Variants in TTC7A observed in about 807,000 individuals in gnomAD.
The protein encoded by TTC7A is tetratricopeptide repeat protein 7A.
TTC7A carries 110 observed loss-of-function variants against 103.7 expected under a neutral mutation model. That is an observed-to-expected ratio of 1.06 (90% confidence interval 0.91 to 1.24). The LOEUF is 1.24. Among genes scored for constraint, TTC7A ranks in the 50% most tolerant of loss-of-function variants. TTC7A has a pLI of 0.00. For missense variants in TTC7A, 1,340 were observed against 1,116.3 expected (o/e 1.20, Z -2.86); for synonymous variants, 521 against 467.9 (o/e 1.11, Z -1.47).
At chr2:46,955,403 A>G (rs1345730253) in intron 2 of TTC7A, among the ~76,000 whole-genome samples, 1 of 152,012 alleles carries the variant, frequency 6.6e-6, no homozygotes, top group Non-Finnish European at 1.5e-5. Context: ...AGCTTTGGAG[A>G]GTTAATTAAT....
intron 18 of TTC7A, among the ~76,000 whole-genome samples, chr2:47,060,422 A>G (rs1683673761): frequency 6.6e-6 from 1 of 152,176 alleles, no homozygotes; most frequent in Non-Finnish European, 1.5e-5. Flanking sequence ...AGCCATGGTC[A>G]TACCAGTGCA....
At chr2:47,058,025 A>G (rs1683457254) in intron 18 of TTC7A, among the ~76,000 whole-genome samples, 1 of 152,296 alleles carries the variant, frequency 6.6e-6, no homozygotes, top group East Asian at 1.9e-4. Context: ...GCACTCAGTT[A>G]TGAGGGCAGC....
intron 2 of TTC7A, among the ~76,000 whole-genome samples, chr2:46,931,825 G>T (rs535694513): frequency 6.6e-6 from 1 of 152,250 alleles, no homozygotes; most frequent in East Asian, 1.9e-4. Flanking sequence ...TTGGACTTCT[G>T]ACCTCAGGAA....
At chr2:47,050,306 G>T in intron 17 of TTC7A, 1 of 515,288 alleles carries the variant, frequency 1.9e-6, no homozygotes, top group South Asian at 2.3e-5. Flanking sequence ...GGCTGAAAAG[G>T]TGGCTGTGGA....
chr2:46,993,976 A>T (rs1675893511), intron 6 of TTC7A, among the ~76,000 whole-genome samples: 1 of 152,210 alleles, frequency 6.6e-6, no homozygotes, highest in African/African-American at 2.4e-5. Flanking sequence ...CGAATATCAG[A>T]AAGGCACCTG....
intron 3 of TTC7A, among the ~76,000 whole-genome samples, chr2:46,970,218 A>G (rs1673236403): frequency 6.6e-6 from 1 of 152,096 alleles, no homozygotes; most frequent in Admixed American, 6.5e-5. Context: ...CAAACTCCTA[A>G]GGTCAAGCAG....
At chr2:47,049,900 G>A in intron 16 of TTC7A, 49 bp from the exon 17 acceptor site, 2 of 1,445,674 alleles carry the variant, frequency 1.4e-6, no homozygotes, top group African/African-American at 2.8e-5. Context: ...TGGGCCCTGT[G>A]ATGCTAGCCC....
At chr2:47,025,598 G>A (rs56272463) in intron 14 of TTC7A, among the ~76,000 whole-genome samples, 28,496 of 152,160 alleles carry the variant, frequency 0.19, 2,978 homozygotes, top group African/African-American at 0.29. Context: ...GCCTGTGTCT[G>A]TCCTGACCTG....
chr2:47,056,279 G>A (rs946704613), intron 18 of TTC7A, among the ~76,000 whole-genome samples: 1 of 152,190 alleles, frequency 6.6e-6, no homozygotes, highest in Non-Finnish European at 1.5e-5. Context: ...ATTTCCTTTG[G>A]GTCACCCAAA....
chr2:47,055,439 G>A (rs1027045085), intron 18 of TTC7A, among the ~76,000 whole-genome samples: 3 of 152,116 alleles, frequency 2.0e-5, no homozygotes, highest in Non-Finnish European at 4.4e-5. Flanking sequence ...CTTGAGAGAC[G>A]GGCTGCAGGG....
chr2:46,947,172 A>T (rs143762862), intron 1 of TTC7A, among the ~76,000 whole-genome samples: 2 of 152,258 alleles, frequency 1.3e-5, no homozygotes, highest in African/African-American at 4.8e-5. Context: ...TGCAGGAGAG[A>T]CAGGGTGTTT....
At chr2:46,996,255 G>C (rs528303838) in intron 8 of TTC7A, among the ~76,000 whole-genome samples, 191 of 152,326 alleles carry the variant, frequency 1.3e-3, no homozygotes, top group African/African-American at 4.4e-3. Flanking sequence ...GCACACAGGA[G>C]TCATCTACAT....
chr2:47,011,376 C>T lies in TTC7A; in HGVS notation c.1333C>T (p.Pro445Ser). 1 of 1,612,690 alleles carries T rather than the reference C, an allele frequency of 6.2e-7. No homozygotes were observed. The highest frequency in any genetic ancestry group is 8.5e-7 in the Non-Finnish European group (1 of 1,179,966). Residue 445 changes from proline to serine, a missense_variant, in exon 11 of 20, where the codon CCC (proline) becomes TCC (serine). By Grantham distance (74) the Pro-to-Ser change is moderately conservative (BLOSUM62 -1). Coordinates refer to ENST00000319190, the MANE Select transcript of TTC7A (RefSeq NM_020458.4). ...GCTGCGGGAGTGTGTGAAGTTGCGGCCCTCGGACCCCACCGTGCCCCTGAT... is the reference window on the plus strand; with the variant it reads ...GCTGCGGGAGTGTGTGAAGTTGCGGTCCTCGGACCCCACCGTGCCCCTGAT... ...SLLRECVKLR[P>S]SDPTVPLMAA...
At chr2:47,008,916 A>G (rs1027573991) in intron 10 of TTC7A, among the ~76,000 whole-genome samples, 5 of 149,698 alleles carry the variant, frequency 3.3e-5, no homozygotes, top group South Asian at 2.1e-4. Flanking sequence ...AAAAAAAAAA[A>G]GCTGCTGCTC....
At chr2:47,000,214 G>T (rs57770875) in intron 8 of TTC7A, among the ~76,000 whole-genome samples, 15,047 of 151,542 alleles carry the variant, frequency 0.099, 850 homozygotes, top group Admixed American at 0.14. Context: ...AAATGTTCAG[G>T]TCTGATTGGG....
chr2:47,069,545 G>A (rs1038883783), intron 19 of TTC7A, among the ~76,000 whole-genome samples: 2 of 152,118 alleles, frequency 1.3e-5, no homozygotes, highest in African/African-American at 4.8e-5. Context: ...GGCTGGAAGG[G>A]TTTGCTCCCC....
intron 17 of TTC7A, chr2:47,050,251 G>A (rs1650961367): frequency 1.7e-6 from 1 of 580,922 alleles, no homozygotes; most frequent in Non-Finnish European, 3.1e-6. Context: ...CAGTGGGCAG[G>A]GGAGGAACCC....
At chr2:46,920,369 G>A (rs1669038055) in intron 2 of TTC7A, among the ~76,000 whole-genome samples, 2 of 151,590 alleles carry the variant, frequency 1.3e-5, no homozygotes, top group Non-Finnish European at 1.5e-5. Flanking sequence ...TTGCTCAATT[G>A]CCCAGGCTGG....
chr2:46,925,938 G>C (rs142830037), intron 2 of TTC7A, among the ~76,000 whole-genome samples: 1 of 152,306 alleles, frequency 6.6e-6, no homozygotes, highest in East Asian at 1.9e-4. Flanking sequence ...CCAGGTGTCA[G>C]CTAAGATCTT....
Sources: allele counts gnomAD v4.1 joint callset (sites outside exome capture counted in the v4.1 genomes callset), GRCh38; gene constraint gnomAD v4.1.1; transcripts MANE v1.5; gene names NCBI Gene and HGNC (gene_info 2026-07-23, HGNC 2026-07-21).